The following CFAP263 variants were observed in gnomAD, a reference collection of about 807,000 sequenced individuals.
CFAP263 encodes cilia and flagella associated protein 263.
the CFAP263 span, among the ~76,000 whole-genome samples, chr16:58,264,817 TATC>T: frequency 6.6e-6 from 1 of 152,146 alleles, no homozygotes. Flanking sequence ...AAGAAATAAA[TATC>T]AAACACTGAA....
At chr16:58,279,509 C>A in the CFAP263 span, among the ~76,000 whole-genome samples, 2 of 151,712 alleles carry the variant, frequency 1.3e-5, no homozygotes, top group African/African-American at 2.4e-5. Flanking sequence ...GGGTGCTGCC[C>A]CTTTGTGGCC....
chr16:58,275,429 G>A, the CFAP263 span, among the ~76,000 whole-genome samples: 1 of 151,056 alleles, frequency 6.6e-6, no homozygotes, highest in African/African-American at 2.4e-5. Flanking sequence ...TACCAAGGAA[G>A]GTTTTTTTGT....
chr16:58,262,387 G>A, the CFAP263 span: 1 of 1,605,606 alleles, frequency 6.2e-7, no homozygotes, highest in African/African-American at 1.3e-5. Flanking sequence ...AGCTGTAGAA[G>A]GAAGAGGTGA....
chr16:58,253,826 A>G, the CFAP263 span, among the ~76,000 whole-genome samples: 1 of 152,228 alleles, frequency 6.6e-6, no homozygotes, highest in African/African-American at 2.4e-5. Flanking sequence ...TGACTTGAGA[A>G]ATAAATGTCA....
the CFAP263 span, chr16:58,252,866 G>T: frequency 6.2e-7 from 1 of 1,612,806 alleles, no homozygotes; most frequent in Non-Finnish European, 8.5e-7. Context: ...ACACAATGGA[G>T]ATCTAGATCA....
the CFAP263 span, among the ~76,000 whole-genome samples, chr16:58,260,191 C>A: frequency 0.068 from 10,367 of 152,130 alleles, 1,173 homozygotes; most frequent in African/African-American, 0.24. Context: ...GTGGGAGAAG[C>A]TATGATAACA....
the CFAP263 span, chr16:58,280,950 A>C: frequency 1.8e-6 from 1 of 571,206 alleles, no homozygotes; most frequent in Non-Finnish European, 3.1e-6. Flanking sequence ...TTTTCCTTTT[A>C]TTATGCAAAT....
At chr16:58,250,070 TGGA>T in the CFAP263 span, 1 of 1,598,592 alleles carries the variant, frequency 6.3e-7, no homozygotes, top group Non-Finnish European at 8.5e-7. Context: ...GGGTCGGAGC[TGGA>T]GCTGCCTGTT....
chr16:58,265,318 C>G, the CFAP263 span, among the ~76,000 whole-genome samples: 1 of 152,168 alleles, frequency 6.6e-6, no homozygotes, highest in African/African-American at 2.4e-5. Flanking sequence ...TCTAATCACA[C>G]GAGTCCTTTG....
chr16:58,272,998 T>C, the CFAP263 span, among the ~76,000 whole-genome samples: 1 of 152,328 alleles, frequency 6.6e-6, no homozygotes, highest in African/African-American at 2.4e-5. Flanking sequence ...TTTTTTTTCT[T>C]TTCAGCCCAT....
At chr16:58,269,867 GGAATTGTGGGTTATACATGGTAAT>G in the CFAP263 span, among the ~76,000 whole-genome samples, 3 of 152,176 alleles carry the variant, frequency 2.0e-5, no homozygotes, top group Non-Finnish European at 2.9e-5. Flanking sequence ...ACCTAAAAGT[GGAATTGTGGGTTATACATGGTAAT>G]TCTGTGTCTA....
chr16:58,279,140 G>A, the CFAP263 span, among the ~76,000 whole-genome samples: 2 of 152,080 alleles, frequency 1.3e-5, no homozygotes, highest in Admixed American at 6.5e-5. Flanking sequence ...TGTGAGCTGC[G>A]GGAGATAAAT....
At chr16:58,254,951 A>G in the CFAP263 span, among the ~76,000 whole-genome samples, 1 of 152,284 alleles carries the variant, frequency 6.6e-6, no homozygotes, top group East Asian at 1.9e-4. Context: ...TTAAGTCAGT[A>G]TATTAGGGTT....
chr16:58,263,738 G>A, the CFAP263 span, among the ~76,000 whole-genome samples: 1 of 152,342 alleles, frequency 6.6e-6, no homozygotes, highest in African/African-American at 2.4e-5. Context: ...AGCACTTTGG[G>A]AGGCCTAGGC....
At chr16:58,283,332 G>T in the CFAP263 span, 1 of 152,192 alleles carries the variant, frequency 6.6e-6, no homozygotes, top group Non-Finnish European at 1.5e-5. Context: ...GCATAATTCT[G>T]TTCAAAAATG....
the CFAP263 span, among the ~76,000 whole-genome samples, chr16:58,262,807 A>T: frequency 2.2e-4 from 28 of 126,114 alleles, no homozygotes; most frequent in Non-Finnish European, 1.2e-4. Context: ...AGATAGATAG[A>T]CAGATGCTTA....
At chr16:58,258,300 T>G in the CFAP263 span, 13 of 1,470,894 alleles carry the variant, frequency 8.8e-6, no homozygotes, top group Admixed American at 2.6e-4. Context: ...GGAACTTAGG[T>G]TTTCTTAGAA....
At chr16:58,275,379 T>C in the CFAP263 span, among the ~76,000 whole-genome samples, 1 of 152,226 alleles carries the variant, frequency 6.6e-6, no homozygotes, top group African/African-American at 2.4e-5. Context: ...ATGTTAATTC[T>C]CTTTAAGTTG....
chr16:58,269,317 G>A, the CFAP263 span, among the ~76,000 whole-genome samples: 1 of 148,220 alleles, frequency 6.7e-6, no homozygotes, highest in Non-Finnish European at 1.5e-5. Context: ...AGTGACAGAG[G>A]GAGACTCTGT....
Sources: gnomAD v4.1 joint callset for allele counts (sites outside exome capture counted in the v4.1 genomes callset) on GRCh38, gnomAD v4.1.1 for gene constraint, MANE v1.5 for transcripts, NCBI Gene and HGNC (gene_info 2026-07-23, HGNC 2026-07-21) for gene names.